The following FBXO22 variants were observed in gnomAD, a reference collection of about 807,000 sequenced individuals.
FBXO22 encodes the protein F-box protein 22.
In FBXO22, 13 loss-of-function variants were observed where a neutral mutation model predicts 37.2. That is an observed-to-expected ratio of 0.35 (90% CI 0.23 to 0.56). The LOEUF (loss-of-function observed/expected upper bound fraction) is 0.56, where lower values mean the gene tolerates loss of function less well. FBXO22 is among the 20% of genes least tolerant of loss of function. The pLI, the probability that FBXO22 is intolerant of heterozygous loss-of-function variation, is 0.87. For missense variants in FBXO22, 446 were observed against 509.9 expected (o/e 0.87, Z 1.21); for synonymous variants, 189 against 189.1 (o/e 1.00, Z 0.00).
intron 2 of FBXO22, 101 bp downstream of exon 2, chr15:75,904,730 A>T (rs200729232): frequency 3.4e-6 from 4 of 1,190,658 alleles, no homozygotes; most frequent in Middle Eastern, 2.0e-4. Flanking sequence ...TTAAAGGAAC[A>T]TCTCGTTCCG....
chr15:75,930,170 C>T (rs767429345), intron 6 of FBXO22, 121 bp downstream of exon 6: 4 of 1,535,818 alleles, frequency 2.6e-6, no homozygotes, highest in Non-Finnish European at 3.5e-6. Flanking sequence ...ATAGTTCATT[C>T]CATTTTGTAG....
chr15:75,924,394 T>C (rs1038580294), intron 5 of FBXO22, among the ~76,000 whole-genome samples: 1 of 152,192 alleles, frequency 6.6e-6, no homozygotes, highest in Non-Finnish European at 1.5e-5. Context: ...ACTTCATTTG[T>C]ACAGTCTTAC....
Position 75,917,456 on chromosome 15 carries a change from A to T in FBXO22, c.628+62A>T, listed in dbSNP as rs1900216380. On this transcript the variant is annotated intron_variant, in intron 5 of 6. Coordinates refer to ENST00000308275, the MANE Select transcript of FBXO22 (RefSeq NM_147188.3). ...ATTGATTAATTTTGTTTTCTTTTTA[A>T]TTCTGGCTAGTTGGTGGATATTAGG... 15 of 1,281,644 alleles carry T rather than the reference A, an allele frequency of 1.2e-5. No individual in the cohort carries two copies. In the South Asian group the frequency reaches 2.2e-4, roughly 19 times the overall value. 79.4% of individuals were successfully genotyped at this position (1,281,644 alleles called of 1,614,324 possible). A position where few individuals can be genotyped will look rare whatever the true frequency, so the allele number is the denominator to read the frequency against.
Position 75,915,105 on chromosome 15 carries a change from T to A in FBXO22, c.463+900T>A, listed in dbSNP as rs566367066. Among the ~76,000 whole-genome samples, 5 of 152,248 alleles carry A rather than the reference T, an allele frequency of 3.3e-5. 1 individual carries two copies. In the East Asian group the frequency reaches 7.7e-4, roughly 24 times the overall value. ...GCCTCAGCCTCCCAAGTAGCTGGGA[T>A]CACAGGCGCCCGCCACCACCACACC... On this transcript the variant is annotated intron_variant, in intron 4 of 6. Transcript: ENST00000308275.
chr15:75,912,184 T>C (rs1348249816), intron 2 of FBXO22, among the ~76,000 whole-genome samples: 1 of 152,120 alleles, frequency 6.6e-6, no homozygotes, highest in Non-Finnish European at 1.5e-5. Context: ...CAGTATTTTA[T>C]TGAGGATTTT....
At chr15:75,912,462 A>G in intron 2 of FBXO22, among the ~76,000 whole-genome samples, 1 of 152,146 alleles carries the variant, frequency 6.6e-6, no homozygotes, top group East Asian at 1.9e-4. Context: ...TTATTGGTCT[A>G]TTCAGGGATT....
chr15:75,907,049 T>C (rs1899944638), intron 2 of FBXO22, among the ~76,000 whole-genome samples: 1 of 152,206 alleles, frequency 6.6e-6, no homozygotes, highest in Non-Finnish European at 1.5e-5. Context: ...TTCCATTTAC[T>C]GTTTTTAAAA....
intron 5 of FBXO22, among the ~76,000 whole-genome samples, chr15:75,921,991 CTT>C (rs373750491): frequency 6.9e-6 from 1 of 143,886 alleles, no homozygotes; most frequent in African/African-American, 2.5e-5. Flanking sequence ...TTACAGTTAA[CTT>C]TTTTTTTTTT....
chr15:75,909,328 T>A (rs1005034706), intron 2 of FBXO22, among the ~76,000 whole-genome samples: 5 of 152,184 alleles, frequency 3.3e-5, no homozygotes, highest in African/African-American at 1.2e-4. Flanking sequence ...GGAAACAGTC[T>A]TAAGTTCCAC....
chr15:75,927,108 C>CG (rs1046061019), intron 5 of FBXO22, among the ~76,000 whole-genome samples: 6 of 152,110 alleles, frequency 3.9e-5, no homozygotes, highest in South Asian at 2.1e-4. Context: ...CTTTCCTGGT[C>CG]GGGGGGAGGG....
At chr15:75,917,018 A>C (rs1595914133) in intron 4 of FBXO22, among the ~76,000 whole-genome samples, 1 of 152,128 alleles carries the variant, frequency 6.6e-6, no homozygotes, top group East Asian at 1.9e-4. Context: ...TGCAACATTT[A>C]TTTTTTCTCA....
chr15:75,911,366 T>G (rs1900048236), intron 2 of FBXO22, among the ~76,000 whole-genome samples: 1 of 152,184 alleles, frequency 6.6e-6, no homozygotes, highest in Non-Finnish European at 1.5e-5. Flanking sequence ...ATATGGGCAT[T>G]TTCACGATAT....
At chr15:75,905,886 T>C (rs1899918923) in intron 2 of FBXO22, among the ~76,000 whole-genome samples, 1 of 152,250 alleles carries the variant, frequency 6.6e-6, no homozygotes, top group African/African-American at 2.4e-5. Context: ...TACCTTTGAT[T>C]ACTCAATTAA....
Position 75,942,090 on chromosome 15 carries a change from GA to G in FBXO22, c.*8989del. On this transcript the variant is annotated 3_prime_UTR_variant, in exon 7 of 7. Coordinates refer to ENST00000308275, the MANE Select transcript of FBXO22 (RefSeq NM_147188.3). ...TAGTCTGAAAGGCTACATACTACAT[GA>G]TTTCAAATATATGACATTCTGGAGA... is the stretch of plus-strand genomic sequence containing the variant. 6.6e-6 allele frequency: 1 copy of G among 151,396 alleles called. No individual in the cohort carries two copies. The highest frequency in any genetic ancestry group is 2.1e-4 in the South Asian group (1 of 4,788). 9.4% of individuals were successfully genotyped at this position (151,396 alleles called of 1,614,324 possible).
intron 2 of FBXO22, among the ~76,000 whole-genome samples, chr15:75,912,123 G>A (rs985667468): frequency 5.3e-5 from 8 of 151,912 alleles, no homozygotes; most frequent in African/African-American, 1.9e-4. Flanking sequence ...GGGTGAAGCC[G>A]ACTTGATTGT....
intron 5 of FBXO22, among the ~76,000 whole-genome samples, chr15:75,920,012 G>C (rs1900283846): frequency 6.6e-6 from 1 of 150,986 alleles, no homozygotes; most frequent in Admixed American, 6.5e-5. Flanking sequence ...AAATAGCAGA[G>C]TTAGCAGAAA....
intron 2 of FBXO22, among the ~76,000 whole-genome samples, chr15:75,909,190 C>G (rs1461358034): frequency 6.6e-6 from 1 of 152,110 alleles, no homozygotes; most frequent in Non-Finnish European, 1.5e-5. Context: ...ATAAGCCCAG[C>G]TCATAGGGGA....
intron 5 of FBXO22, among the ~76,000 whole-genome samples, chr15:75,919,567 A>G (rs1900273052): frequency 6.6e-6 from 1 of 152,210 alleles, no homozygotes; most frequent in Non-Finnish European, 1.5e-5. Flanking sequence ...CATTTTCCTC[A>G]TCTATAAAGT....
chr15:75,904,692 A>T (rs571576794), intron 2 of FBXO22, 63 bp downstream of exon 2: 32 of 1,401,204 alleles, frequency 2.3e-5, no homozygotes, highest in East Asian at 2.6e-5. Flanking sequence ...TTTGAGAACT[A>T]TTTTTTTTTA....
Sources: allele counts gnomAD v4.1 joint callset (sites outside exome capture counted in the v4.1 genomes callset), GRCh38; gene constraint gnomAD v4.1.1; transcripts MANE v1.5; gene names NCBI Gene and HGNC (gene_info 2026-07-23, HGNC 2026-07-21).